Variants in MARF1 observed in about 807,000 individuals in gnomAD.
MARF1 encodes limkain-b1.
In MARF1, 24 loss-of-function variants were observed where a neutral mutation model predicts 168.2. The observed-to-expected ratio is 0.14, with a 90% CI of 0.10 to 0.20. The LOEUF (loss-of-function observed/expected upper bound fraction) is 0.20. Among genes scored for constraint, MARF1 ranks in the 10% least tolerant of loss-of-function variants. The pLI is 1.00. For missense variants in MARF1, 1,744 were observed against 2,143.6 expected (o/e 0.81, Z 3.68); for synonymous variants, 868 against 822.4 (o/e 1.06, Z -0.95).
intron 26 of MARF1, among the ~76,000 whole-genome samples, chr16:15,598,267 A>G (rs2031969337): frequency 6.6e-6 from 1 of 152,182 alleles, no homozygotes; most frequent in Non-Finnish European, 1.5e-5. Context: ...GGAATAAAGC[A>G]GCTGCCTTTA....
Position 15,596,498 on chromosome 16 carries a change from A to T in MARF1, c.*195T>A. ...CAAATAATTGAAAAAAGAAAGAAAA[A>T]GGAAGAAGAAAAGAAAGACTTCAGC... On this transcript the variant is annotated 3_prime_UTR_variant, in exon 27 of 27. Transcript: ENST00000396368. 4.6e-6 allele frequency: 2 copies of T among 437,310 alleles called. No homozygotes were observed. The highest frequency in any genetic ancestry group is 7.9e-6 in the Non-Finnish European group (2 of 253,262). 27.1% of individuals were successfully genotyped at this position (437,310 alleles called of 1,614,324 possible). A position where few individuals can be genotyped will look rare whatever the true frequency, so the allele number is the denominator to read the frequency against.
At chr16:15,640,823 T>TTGCAAAGAGAGTCTC (rs1464333127) in intron 1 of MARF1, among the ~76,000 whole-genome samples, 2 of 152,160 alleles carry the variant, frequency 1.3e-5, no homozygotes, top group Non-Finnish European at 2.9e-5. Context: ...AATTGCAGAG[T>TTGCAAAGAGAGTCTC]TGCAAAGAGA....
At chr16:15,633,991 G>A (rs776351294) in intron 4 of MARF1, 148 bp from the exon 5 acceptor site, 4 of 645,708 alleles carry the variant, frequency 6.2e-6, no homozygotes, top group Non-Finnish European at 1.1e-5. Flanking sequence ...CTCACTGGTT[G>A]ACCTAATAAG....
At chr16:15,611,827 C>A (rs2151109933) in intron 17 of MARF1, 93 bp from the exon 18 acceptor site, 1 of 1,019,108 alleles carries the variant, frequency 9.8e-7, no homozygotes, top group East Asian at 2.4e-5. Flanking sequence ...AGCCTCAGAG[C>A]ATGACTCCCT....
At chr16:15,638,551 A>G (rs1240416077) in intron 2 of MARF1, among the ~76,000 whole-genome samples, 2 of 152,174 alleles carry the variant, frequency 1.3e-5, no homozygotes, top group East Asian at 3.9e-4. Context: ...GCACCACTGC[A>G]CTCCAGCCTG....
At chr16:15,600,797 G>C in intron 23 of MARF1, 96 bp from the exon 24 acceptor site, 1 of 1,322,136 alleles carries the variant, frequency 7.6e-7, no homozygotes, top group Non-Finnish European at 1.1e-6. Flanking sequence ...CCTGCCTTAG[G>C]CTAGAATTTA....
Position 15,601,806 on chromosome 16 carries a change from G to C in MARF1, c.4626+185C>G, listed in dbSNP as rs2032462327. On this transcript the variant is annotated intron_variant, in intron 23 of 26. Transcript: ENST00000396368. The stretch of plus-strand genomic sequence containing the variant: ...CCTGGCATATAGGGATTTAATAAAG[G>C]TTTACAGAAAGAATCAAGGAGAAAT... The C allele has an allele frequency of 3.0e-5, 19 of 625,652 alleles. No individual in the cohort carries two copies. The South Asian group carries it at 3.6e-4, about 12-fold the overall frequency. The allele number at this position is 625,652 out of a possible 1,614,324, so 38.8% of individuals were successfully genotyped here. A position where few individuals can be genotyped will look rare whatever the true frequency, so the allele number is the denominator to read the frequency against.
intron 26 of MARF1, among the ~76,000 whole-genome samples, chr16:15,597,412 G>A (rs546437503): frequency 1.1e-4 from 17 of 152,254 alleles, no homozygotes; most frequent in East Asian, 3.9e-4. Flanking sequence ...GTCTATTACC[G>A]GGGATAAGGA....
chr16:15,625,469 G>C lies in MARF1; in HGVS notation c.1856C>G (p.Ala619Gly). ...KNPKLCLIKD[A>G]SEQSSSAKAT... Reference sequence around the variant, plus strand: ...TTTGGCACTGGAAGATTGTTCACTTGCATCTTTGATGAGGCACAATTTTGG... The same window carrying C: ...TTTGGCACTGGAAGATTGTTCACTTCCATCTTTGATGAGGCACAATTTTGG... Residue 619 changes from alanine to glycine, a missense_variant, in exon 8 of 27, where the codon GCA becomes GGA. Around this residue, in one of 7 missense-constraint regions of MARF1, gnomAD observed 270 missense variants for 260.6 expected, o/e 1.04. Coordinates refer to ENST00000396368, the MANE Select transcript of MARF1 (RefSeq NM_014647.4). The C allele has an allele frequency of 6.2e-7, 1 of 1,614,172 alleles. No individual in the cohort carries two copies. The highest frequency in any genetic ancestry group is 1.1e-5 in the South Asian group (1 of 91,080).
At chr16:15,617,559 C>T in intron 13 of MARF1, 24 bp from the exon 14 acceptor site, 12 of 1,524,818 alleles carry the variant, frequency 7.9e-6, no homozygotes, top group Non-Finnish European at 1.1e-5. Context: ...AAGAGAGACG[C>T]TGACTTAGAA....
chr16:15,640,106 G>C (rs894456438), intron 1 of MARF1, among the ~76,000 whole-genome samples: 4 of 152,138 alleles, frequency 2.6e-5, no homozygotes, highest in Non-Finnish European at 4.4e-5. Context: ...TAACAGAAGA[G>C]AGCATCTAAT....
chr16:15,615,075 C>T (rs947502039), intron 16 of MARF1, among the ~76,000 whole-genome samples: 1 of 152,128 alleles, frequency 6.6e-6, no homozygotes, highest in Non-Finnish European at 1.5e-5. Flanking sequence ...GCCAACAGGC[C>T]CAGCCCCTGA....
chr16:15,634,661 C>T, intron 4 of MARF1, 96 bp downstream of exon 4: 17 of 1,211,500 alleles, frequency 1.4e-5, no homozygotes, highest in Non-Finnish European at 2.0e-5. Context: ...AGCTTTAGAA[C>T]CATAAGGAAT....
Position 15,608,581 on chromosome 16 carries a change from C to CA in MARF1, c.3955-64dup, listed in dbSNP as rs953252592. 34 of 1,193,126 alleles carry CA rather than the reference C, an allele frequency of 2.8e-5. 1 individual carries two copies. Among genetic ancestry groups the CA allele is most frequent in the Non-Finnish European group, 3.4e-5 (28 of 829,708 alleles). 73.9% of individuals were successfully genotyped at this position (1,193,126 alleles called of 1,614,324 possible). A position where few individuals can be genotyped will look rare whatever the true frequency, so the allele number is the denominator to read the frequency against. On this transcript the variant is annotated intron_variant, in intron 20 of 26. Coordinates refer to ENST00000396368, the MANE Select transcript of MARF1 (RefSeq NM_014647.4). The stretch of plus-strand genomic sequence containing the variant: ...CAAATCACGGGTGTTTACAGAATAG[C>CA]AAAAAAAGTATGCAGCTAGTAATGA...
chr16:15,598,423 G>A (rs928265914), intron 26 of MARF1, among the ~76,000 whole-genome samples: 3 of 152,122 alleles, frequency 2.0e-5, no homozygotes, highest in South Asian at 2.1e-4. Context: ...GGCAGAGTCC[G>A]GGGCTCCAGC....
chr16:15,617,483 C>T lies in MARF1; in HGVS notation c.2773G>A (p.Ala925Thr), dbSNP rs761180838. The change falls in exon 14 of 27, where the codon GCA becomes ACA. Residue 925 changes from alanine (A) to threonine (T), a missense_variant. Coordinates refer to ENST00000396368, the MANE Select transcript of MARF1 (RefSeq NM_014647.4). Reference sequence around the variant, plus strand: ...CGTCCGTTTCCTTGTTCACGGATTGCGACCGTGTCTGTTAATTTATATAGA... The same window carrying T: ...CGTCCGTTTCCTTGTTCACGGATTGTGACCGTGTCTGTTAATTTATATAGA... ...SDLYKLTDTV[A>T]IREQGNGRLV... 7 of 1,613,598 alleles carry T rather than the reference C, an allele frequency of 4.3e-6. No homozygotes were observed. The highest frequency in any genetic ancestry group is 2.7e-5 in the African/African-American group (2 of 74,898).
intron 12 of MARF1, 32 bp from the exon 13 acceptor site, chr16:15,620,563 C>A: frequency 7.5e-7 from 1 of 1,335,396 alleles, no homozygotes; most frequent in African/African-American, 1.5e-5. Context: ...AGGGAACAGA[C>A]CATTTCCTCC....
chr16:15,617,351 A>C lies in MARF1; in HGVS notation c.2905T>G (p.Leu969Val). The C allele has an allele frequency of 6.2e-7, 1 of 1,614,074 alleles. No individual in the cohort carries two copies. The highest frequency in any genetic ancestry group is 1.1e-5 in the South Asian group (1 of 91,070). Residue 969 changes from leucine to valine, a missense_variant, in exon 14 of 27, where the codon TTA becomes GTA. Physicochemically the swap from Leu to Val is conservative, Grantham distance 32. Around this residue, in one of 7 missense-constraint regions of MARF1, gnomAD observed 543 missense variants for 742.1 expected, o/e 0.73. Coordinates refer to ENST00000396368, the MANE Select transcript of MARF1 (RefSeq NM_014647.4). ...TNCSPIIFEE[L>V]EYHEPVCRQH... ...CTGCAGACAGGCTCGTGATATTCTAACTCTTCAAATATAATTGGGCTGCAA... is the reference window on the plus strand; with the variant it reads ...CTGCAGACAGGCTCGTGATATTCTACCTCTTCAAATATAATTGGGCTGCAA...
At chr16:15,599,515 G>A (rs2151018430) in intron 25 of MARF1, among the ~76,000 whole-genome samples, 1 of 152,338 alleles carries the variant, frequency 6.6e-6, no homozygotes, top group South Asian at 2.1e-4. Flanking sequence ...AGCTTCGGCA[G>A]ATGATTCCCA....
Sources: allele counts gnomAD v4.1 joint callset (sites outside exome capture counted in the v4.1 genomes callset), GRCh38; gene constraint gnomAD v4.1.1; regional missense constraint gnomAD v4.1.1; transcripts MANE v1.5; gene names NCBI Gene and HGNC (gene_info 2026-07-23, HGNC 2026-07-21).